RYR2: variants seen among roughly 807,000 people sequenced by gnomAD.
RYR2 encodes the protein ryanodine receptor 2.
Under a neutral mutation model 601.1 loss-of-function variants are expected in RYR2, and 227 were observed. The ratio of observed to expected loss-of-function variants is 0.38; its 90% CI spans 0.34 to 0.42. The LOEUF (loss-of-function observed/expected upper bound fraction) is 0.42. RYR2 is among the 10% of genes least tolerant of loss of function. The probability of loss-of-function intolerance (pLI) is 1.00; values close to 1 mark genes in which losing one functional copy is unlikely to be tolerated. For synonymous variants in RYR2, 2,223 were observed against 2,175.1 expected (o/e 1.02, Z -0.61); for missense variants, 4,646 against 6,156.5 (o/e 0.75, Z 8.21).
At chr1:237,724,048 A>C (rs1689981172) in intron 74 of RYR2, among the ~76,000 whole-genome samples, 1 of 151,836 alleles carries the variant, frequency 6.6e-6, no homozygotes, top group East Asian at 1.9e-4. Flanking sequence ...TTGTAACTTG[A>C]CCATCTGATC....
intron 2 of RYR2, among the ~76,000 whole-genome samples, chr1:237,289,773 G>T (rs553260290): frequency 1.3e-5 from 2 of 152,224 alleles, no homozygotes; most frequent in South Asian, 2.1e-4. Context: ...AAAAAATTCA[G>T]ATACTTTACA....
intron 90 of RYR2, among the ~76,000 whole-genome samples, chr1:237,785,661 A>C (rs948755430): frequency 6.6e-6 from 1 of 152,176 alleles, no homozygotes; most frequent in African/African-American, 2.4e-5. Flanking sequence ...TAGGACTTAA[A>C]CTGGCATTGA....
intron 1 of RYR2, among the ~76,000 whole-genome samples, chr1:237,117,892 G>T (rs1184028266): frequency 6.6e-6 from 1 of 152,062 alleles, no homozygotes; most frequent in East Asian, 1.9e-4. Flanking sequence ...TTACAGGCAT[G>T]CACCACCACG....
intron 54 of RYR2, 97 bp downstream of exon 54, chr1:237,658,119 G>A: frequency 3.3e-6 from 2 of 615,374 alleles, no homozygotes; most frequent in South Asian, 3.4e-5. Flanking sequence ...TTTAAAATGA[G>A]AACTTGATCT....
intron 25 of RYR2, among the ~76,000 whole-genome samples, chr1:237,536,939 G>A (rs1668705197): frequency 6.6e-6 from 1 of 151,378 alleles, no homozygotes; most frequent in South Asian, 2.1e-4. Flanking sequence ...TTAATAAAAA[G>A]ATGCCCAAAT....
At chr1:237,458,226 G>A (rs777307857) in intron 16 of RYR2, among the ~76,000 whole-genome samples, 11 of 152,090 alleles carry the variant, frequency 7.2e-5, no homozygotes, top group Non-Finnish European at 1.3e-4. Context: ...TCAGGATTTC[G>A]AGACCAGCCT....
At chr1:237,688,101 G>A (rs1686596366) in intron 63 of RYR2, among the ~76,000 whole-genome samples, 2 of 152,260 alleles carry the variant, frequency 1.3e-5, no homozygotes, top group South Asian at 2.1e-4. Context: ...ACCTGCTTCC[G>A]GACAGCCATG....
intron 1 of RYR2, among the ~76,000 whole-genome samples, chr1:237,099,805 T>C (rs554335881): frequency 1.3e-5 from 2 of 151,952 alleles, no homozygotes; most frequent in East Asian, 3.9e-4. Flanking sequence ...AAGTACTTAC[T>C]CATTTAATCT....
chr1:237,409,544 C>T (rs921443057), intron 10 of RYR2, among the ~76,000 whole-genome samples: 1 of 152,020 alleles, frequency 6.6e-6, no homozygotes, highest in African/African-American at 2.4e-5. Flanking sequence ...TCAAACAGCA[C>T]ATTCCTTTTG....
At chr1:237,718,609 T>C in intron 73 of RYR2, 88 bp downstream of exon 73, 1 of 640,138 alleles carries the variant, frequency 1.6e-6, no homozygotes, top group Non-Finnish European at 2.7e-6. Context: ...AATGTTACTT[T>C]AAACATTAAG....
chr1:237,730,441 G>T (rs778839651), intron 77 of RYR2, 85 bp downstream of exon 77: 15 of 695,018 alleles, frequency 2.2e-5, no homozygotes, highest in Non-Finnish European at 3.3e-5. Context: ...ATATAACATT[G>T]AAGGAAAAAA....
intron 1 of RYR2, among the ~76,000 whole-genome samples, chr1:237,224,340 T>G (rs796713811): frequency 2.9e-4 from 44 of 152,360 alleles, no homozygotes; most frequent in African/African-American, 1.1e-3. Context: ...ACCAACTGTT[T>G]AGTTGGCAAG....
At chr1:237,792,348 C>G (rs1350212090) in intron 94 of RYR2, 25 bp downstream of exon 94, 2 of 1,305,194 alleles carry the variant, frequency 1.5e-6, no homozygotes, top group Admixed American at 4.2e-5. Flanking sequence ...CACCAAGGTA[C>G]CTGTGTGTGT....
chr1:237,072,272 G>A (rs926673611), intron 1 of RYR2, among the ~76,000 whole-genome samples: 4 of 152,216 alleles, frequency 2.6e-5, no homozygotes, highest in African/African-American at 4.8e-5. Flanking sequence ...GGCCACCGCC[G>A]CCATCACTGG....
intron 10 of RYR2, among the ~76,000 whole-genome samples, chr1:237,401,362 T>C (rs1433152457): frequency 6.6e-6 from 1 of 151,692 alleles, no homozygotes; most frequent in East Asian, 1.9e-4. Context: ...CAATCACAAA[T>C]GGGATCCCCA....
rs1696646557 is a variant in RYR2 at position 237,330,937 on chromosome 1, G to A, written c.228G>A (p.Arg76=). ...TGCTGGAGCAGTCCCTCTCTGTCCGGGCGCTGCAGGAGATGCTGGCTAACA... is the reference window on the plus strand; with the variant it reads ...TGCTGGAGCAGTCCCTCTCTGTCCGAGCGCTGCAGGAGATGCTGGCTAACA... ...TFVLEQSLSV[R]ALQEMLANTV... is the part of the protein sequence containing the mutation. The change falls in exon 3 of 105, where the codon CGG becomes CGA. Residue 76 remains arginine, a synonymous_variant. Coordinates refer to ENST00000366574, the MANE Select transcript of RYR2 (RefSeq NM_001035.3). 1 of 1,613,968 alleles carries A rather than the reference G, an allele frequency of 6.2e-7. No homozygotes were observed.
intron 56 of RYR2, among the ~76,000 whole-genome samples, chr1:237,664,047 A>G (rs189837379): frequency 7.2e-5 from 11 of 152,354 alleles, no homozygotes; most frequent in Admixed American, 7.2e-4. Flanking sequence ...AATTTCAGGC[A>G]TATCCCACAG....
chr1:237,534,529 T>C (rs1668420044), intron 25 of RYR2, among the ~76,000 whole-genome samples: 1 of 152,034 alleles, frequency 6.6e-6, no homozygotes, highest in South Asian at 2.1e-4. Flanking sequence ...TTTAGGACAT[T>C]AGACACTGAT....
chr1:237,274,913 C>G (rs1012132285), intron 2 of RYR2, among the ~76,000 whole-genome samples: 1 of 151,848 alleles, frequency 6.6e-6, no homozygotes, highest in African/African-American at 2.4e-5. Flanking sequence ...TAGGCTATAC[C>G]GTACATACCT....
Sources: gnomAD v4.1 joint callset for allele counts (sites outside exome capture counted in the v4.1 genomes callset) on GRCh38, gnomAD v4.1.1 for gene constraint, MANE v1.5 for transcripts, NCBI Gene and HGNC (gene_info 2026-07-23, HGNC 2026-07-21) for gene names.